The following SORCS3 variants were observed in gnomAD, a reference collection of about 807,000 sequenced individuals.
The protein encoded by SORCS3 is sortilin related VPS10 domain containing receptor 3.
A neutral mutation model predicts 146.3 loss-of-function variants in SORCS3; 57 were observed. That is an observed-to-expected ratio of 0.39 (90% CI 0.31 to 0.49). The LOEUF is 0.49. SORCS3 is among the 20% of genes least tolerant of loss of function. The probability of loss-of-function intolerance (pLI) is 0.92; values close to 1 mark genes in which losing one functional copy is unlikely to be tolerated. For missense variants in SORCS3, 1,341 were observed against 1,575.5 expected (o/e 0.85, Z 2.52); for synonymous variants, 653 against 618.5 (o/e 1.06, Z -0.83).
intron 2 of SORCS3, among the ~76,000 whole-genome samples, chr10:104,899,307 A>G (rs1346095329): frequency 6.6e-6 from 1 of 152,192 alleles, no homozygotes; most frequent in African/African-American, 2.4e-5. Context: ...CCTTTCAGGG[A>G]GATTCCTGCC....
intron 4 of SORCS3, among the ~76,000 whole-genome samples, chr10:105,008,451 C>T (rs1263476882): frequency 6.6e-6 from 1 of 152,178 alleles, no homozygotes; most frequent in Non-Finnish European, 1.5e-5. Context: ...CTGGATGCAT[C>T]TATCATTCTG....
At chr10:104,705,695 A>G (rs2016329012) in intron 1 of SORCS3, among the ~76,000 whole-genome samples, 1 of 152,250 alleles carries the variant, frequency 6.6e-6, no homozygotes, top group Non-Finnish European at 1.5e-5. Context: ...CCCGACTGGT[A>G]GGAGTAGCAT....
intron 14 of SORCS3, among the ~76,000 whole-genome samples, chr10:105,179,348 C>T (rs1394128031): frequency 2.0e-5 from 3 of 152,124 alleles, no homozygotes; most frequent in Non-Finnish European, 4.4e-5. Context: ...TTTAGCTGGT[C>T]ACATGGATAT....
At chr10:104,929,735 G>T (rs141015425) in intron 3 of SORCS3, among the ~76,000 whole-genome samples, 97 of 152,334 alleles carry the variant, frequency 6.4e-4, no homozygotes, top group Admixed American at 1.5e-3. Flanking sequence ...AGGCCTGCCA[G>T]CCTAAGGACT....
chr10:105,256,570 A>G (rs902849098), intron 24 of SORCS3, among the ~76,000 whole-genome samples: 3 of 152,168 alleles, frequency 2.0e-5, no homozygotes. Context: ...ACGTTGTTCA[A>G]TTTATACCAA....
chr10:104,876,247 T>C (rs1589532731), intron 2 of SORCS3, among the ~76,000 whole-genome samples: 1 of 152,190 alleles, frequency 6.6e-6, no homozygotes, highest in African/African-American at 2.4e-5. Flanking sequence ...CCGGTTTGTG[T>C]TGGATAAACG....
At chr10:104,725,144 A>G (rs2016609958) in intron 1 of SORCS3, among the ~76,000 whole-genome samples, 2 of 152,032 alleles carry the variant, frequency 1.3e-5, no homozygotes, top group Admixed American at 6.6e-5. Context: ...TGATGTACAG[A>G]TGGGGTTTTG....
intron 20 of SORCS3, among the ~76,000 whole-genome samples, chr10:105,235,276 T>C (rs2056786640): frequency 6.6e-6 from 1 of 152,138 alleles, no homozygotes; most frequent in Non-Finnish European, 1.5e-5. Context: ...TGTAGTGCTC[T>C]GATGTGTATT....
At chr10:105,257,357 G>A (rs1306574824) in intron 25 of SORCS3, among the ~76,000 whole-genome samples, 2 of 152,114 alleles carry the variant, frequency 1.3e-5, no homozygotes, top group Non-Finnish European at 2.9e-5. Flanking sequence ...TTTACCTCCT[G>A]TTGCAGCTAT....
chr10:105,027,824 A>G (rs2055240744), intron 4 of SORCS3, among the ~76,000 whole-genome samples: 1 of 152,204 alleles, frequency 6.6e-6, no homozygotes, highest in Non-Finnish European at 1.5e-5. Context: ...TCCTGAGCAC[A>G]AGGAGACTGT....
At chr10:104,685,943 C>T (rs890239605) in intron 1 of SORCS3, among the ~76,000 whole-genome samples, 1 of 152,170 alleles carries the variant, frequency 6.6e-6, no homozygotes, top group Non-Finnish European at 1.5e-5. Flanking sequence ...GACATTCCTT[C>T]GACTTTGGGA....
intron 1 of SORCS3, among the ~76,000 whole-genome samples, chr10:104,685,464 G>C (rs2016033379): frequency 6.6e-6 from 1 of 152,180 alleles, no homozygotes; most frequent in South Asian, 2.1e-4. Flanking sequence ...GCCCACCCAG[G>C]AGGAAGAGGC....
intron 2 of SORCS3, among the ~76,000 whole-genome samples, chr10:104,871,308 G>C (rs1226866210): frequency 1.3e-5 from 2 of 152,178 alleles, no homozygotes; most frequent in East Asian, 3.9e-4. Context: ...GTTACACAAA[G>C]GGAAAAGAGG....
At chr10:104,813,640 C>T (rs895711264) in intron 1 of SORCS3, among the ~76,000 whole-genome samples, 1 of 152,180 alleles carries the variant, frequency 6.6e-6, no homozygotes, top group Non-Finnish European at 1.5e-5. Flanking sequence ...GCCTGTCCCA[C>T]ACCCCTTAGC....
At chr10:104,758,846 T>TC (rs2133474967) in intron 1 of SORCS3, among the ~76,000 whole-genome samples, 1 of 152,286 alleles carries the variant, frequency 6.6e-6, no homozygotes, top group African/African-American at 2.4e-5. Flanking sequence ...CTGATATGCC[T>TC]CCACAGTTCT....
chr10:105,047,784 A>G (rs143255286), intron 5 of SORCS3, among the ~76,000 whole-genome samples: 288 of 152,156 alleles, frequency 1.9e-3, no homozygotes, highest in Non-Finnish European at 3.2e-3. Flanking sequence ...ATGGGTTTCT[A>G]GTGGTGTTTG....
At position 105,091,301 on chromosome 10, in the gene SORCS3, CTCCTTCCT is replaced by C; in HGVS notation, c.1093+1470_1093+1477del. Among the ~76,000 whole-genome samples, 2 of 70,432 alleles carry C rather than the reference CTCCTTCCT, an allele frequency of 2.8e-5. 1 individual carries two copies. 46.2% of individuals were successfully genotyped at this position (70,432 alleles called of 152,430 possible). On this transcript the variant is annotated intron_variant, in intron 6 of 26. Coordinates refer to ENST00000369701, the MANE Select transcript of SORCS3 (RefSeq NM_014978.3). The stretch of plus-strand genomic sequence containing the variant: ...CTTCCTTGCTTCCTTCCTTCCTTCC[CTCCTTCCT>C]TCCTTCCCTCCTTCCTTCCTTGCTT...
chr10:104,706,777 CA>C (rs1450215793), intron 1 of SORCS3, among the ~76,000 whole-genome samples: 3 of 152,184 alleles, frequency 2.0e-5, no homozygotes, highest in Non-Finnish European at 2.9e-5. Context: ...TTTATACCTA[CA>C]TAAACATGTA....
chr10:105,147,248 A>G (rs2056137567), intron 8 of SORCS3, among the ~76,000 whole-genome samples: 1 of 152,160 alleles, frequency 6.6e-6, no homozygotes, highest in Non-Finnish European at 1.5e-5. Flanking sequence ...ATAAATGAAT[A>G]TCTAATGACA....
Sources: allele counts gnomAD v4.1 joint callset (sites outside exome capture counted in the v4.1 genomes callset), GRCh38; gene constraint gnomAD v4.1.1; transcripts MANE v1.5; gene names NCBI Gene and HGNC (gene_info 2026-07-23, HGNC 2026-07-21).